Variants in NUDT21 observed in about 807,000 individuals in gnomAD.
The protein encoded by NUDT21 is nudix hydrolase 21.
In NUDT21, 5 loss-of-function variants were observed where a neutral mutation model predicts 29.8. That is an observed-to-expected ratio of 0.17 (90% CI 0.09 to 0.35). The LOEUF is 0.35. NUDT21 is among the 10% of genes least tolerant of loss of function. NUDT21 has a pLI of 1.00. For synonymous variants in NUDT21, 113 were observed against 98.5 expected, an observed-to-expected ratio of 1.15 and a Z score of -0.87; for missense variants, 76 against 276.0, an observed-to-expected ratio of 0.28 and a Z score of 5.13.
intron 4 of NUDT21, among the ~76,000 whole-genome samples, chr16:56,436,389 A>G (rs1489345918): frequency 6.6e-6 from 1 of 152,162 alleles, no homozygotes; most frequent in Non-Finnish European, 1.5e-5. Context: ...TATCTATTCA[A>G]CTCTTATCTA....
At chr16:56,447,705 C>G in intron 2 of NUDT21, 84 bp downstream of exon 2, 2 of 1,217,954 alleles carry the variant, frequency 1.6e-6, no homozygotes, top group South Asian at 1.3e-5. Context: ...AATGAATGAC[C>G]GAGGGCTAAA....
intron 1 of NUDT21, among the ~76,000 whole-genome samples, chr16:56,450,865 C>T (rs1216560300): frequency 6.6e-6 from 1 of 152,172 alleles, no homozygotes; most frequent in African/African-American, 2.4e-5. Flanking sequence ...TGACCGAATA[C>T]ATAGGATGGG....
At position 56,434,661 on chromosome 16, in the gene NUDT21, T is replaced by A. The variant is rs1962074503; in HGVS notation, c.547+93A>T. ...TTTAGTTTTACAACAAACCCAAAAG[T>A]TCAAGGAACTTTGAGAAAACACAAA... On this transcript the variant is annotated intron_variant, in intron 5 of 6. Transcript: ENST00000300291. 22 of 931,044 alleles carry A rather than the reference T, an allele frequency of 2.4e-5. No individual in the cohort carries two copies. In the South Asian group the frequency reaches 2.7e-4, roughly 12 times the overall value. The allele number at this position is 931,044 out of a possible 1,614,324, so 57.7% of individuals were successfully genotyped here. A position where few individuals can be genotyped will look rare whatever the true frequency, so the allele number is the denominator to read the frequency against.
intron 4 of NUDT21, among the ~76,000 whole-genome samples, chr16:56,435,983 C>T (rs1280236875): frequency 1.4e-5 from 2 of 145,142 alleles, no homozygotes; most frequent in Admixed American, 1.4e-4. Context: ...ATGGGCAAAG[C>T]CAAATTACTC....
intron 3 of NUDT21, among the ~76,000 whole-genome samples, chr16:56,445,714 G>C (rs1193970975): frequency 6.6e-6 from 1 of 152,138 alleles, no homozygotes; most frequent in African/African-American, 2.4e-5. Flanking sequence ...TAAGGTTTCT[G>C]CTAAGTTAGT....
At position 56,431,995 on chromosome 16, in the gene NUDT21, A is replaced by G. The variant is rs1192756094; in HGVS notation, c.*717T>C. ...CCATGGCTTTAAGAATAAGACACAT[A>G]ATTTCGCAACAGCACAAATAATTAA... On this transcript the variant is annotated 3_prime_UTR_variant, in exon 7 of 7. Coordinates refer to ENST00000300291, the MANE Select transcript of NUDT21 (RefSeq NM_007006.3). The G allele has an allele frequency of 6.6e-6, 1 of 152,168 alleles. No individual in the cohort carries two copies. Among genetic ancestry groups the G allele is most frequent in the East Asian group, 1.9e-4 (1 of 5,204 alleles). 9.4% of individuals were successfully genotyped at this position (152,168 alleles called of 1,614,324 possible).
At chr16:56,434,695 TC>T (rs1311497287) in intron 5 of NUDT21, 58 bp downstream of exon 5, 3 of 1,070,320 alleles carry the variant, frequency 2.8e-6, no homozygotes, top group Non-Finnish European at 2.9e-6. Context: ...AATAGAGGTA[TC>T]CTTGAAATTA....
intron 1 of NUDT21, 111 bp from the exon 2 acceptor site, chr16:56,448,100 G>C: frequency 1.2e-6 from 1 of 854,316 alleles, no homozygotes; most frequent in South Asian, 1.7e-5. Flanking sequence ...ATTGTACTCA[G>C]ACACAGGATT....
At position 56,429,924 on chromosome 16, in the gene NUDT21, G is replaced by A. The variant is rs1378096496; in HGVS notation, c.*2788C>T. 6.6e-6 allele frequency: 1 copy of A among 152,124 alleles called. No individual in the cohort carries two copies. Among genetic ancestry groups the A allele is most frequent in the East Asian group, 1.9e-4 (1 of 5,202 alleles). 9.4% of individuals were successfully genotyped at this position (152,124 alleles called of 1,614,324 possible). On this transcript the variant is annotated 3_prime_UTR_variant, in exon 7 of 7. Coordinates refer to ENST00000300291, the MANE Select transcript of NUDT21 (RefSeq NM_007006.3). ...TCATTAAAAAGCCGAGAACATAAGA[G>A]CACAACATTTAAGAAAGGGAATTTT...
intron 3 of NUDT21, among the ~76,000 whole-genome samples, chr16:56,442,619 G>A (rs568320243): frequency 2.2e-4 from 34 of 152,232 alleles, no homozygotes; most frequent in African/African-American, 7.7e-4. Context: ...GCCTTTGCGT[G>A]GATCTTTAAA....
intron 4 of NUDT21, among the ~76,000 whole-genome samples, chr16:56,438,475 T>G (rs1962127714): frequency 6.6e-6 from 1 of 152,214 alleles, no homozygotes; most frequent in African/African-American, 2.4e-5. Context: ...TTAACCCCAG[T>G]TCCACCTTAT....
intron 3 of NUDT21, among the ~76,000 whole-genome samples, chr16:56,444,924 C>G (rs1176114018): frequency 1.3e-5 from 2 of 152,180 alleles, no homozygotes; most frequent in Admixed American, 1.3e-4. Flanking sequence ...TGGCTCATGC[C>G]TGTAATCCCA....
intron 4 of NUDT21, 194 bp from the exon 5 acceptor site, chr16:56,435,023 A>G (rs1269070533): frequency 2.6e-6 from 1 of 390,748 alleles, no homozygotes; most frequent in African/African-American, 2.1e-5. Context: ...AAACCAGTCA[A>G]CCATTCGAGA....
intron 3 of NUDT21, among the ~76,000 whole-genome samples, chr16:56,440,587 T>C (rs1176717527): frequency 6.6e-6 from 1 of 152,170 alleles, no homozygotes; most frequent in African/African-American, 2.4e-5. Context: ...TCAATTAAAT[T>C]GAAGTTATGA....
chr16:56,446,144 A>C (rs1962215125), intron 3 of NUDT21, among the ~76,000 whole-genome samples: 1 of 152,256 alleles, frequency 6.6e-6, no homozygotes, highest in Non-Finnish European at 1.5e-5. Context: ...TTTAAAAAGT[A>C]GAATAATTTG....
At position 56,451,278 on chromosome 16, in the gene NUDT21, T is replaced by A. The variant is rs890711905; in HGVS notation, c.-76A>T. The stretch of plus-strand genomic sequence containing the variant: ...ACTTTCCCCGTGCGGGAAGCGGTTA[T>A]CTGCAATCCCCTCAGCGGCTACTGC... On this transcript the variant is annotated 5_prime_UTR_variant, in exon 1 of 7. Coordinates refer to ENST00000300291, the MANE Select transcript of NUDT21 (RefSeq NM_007006.3). 1.8e-6 allele frequency: 2 copies of A among 1,142,852 alleles called. No individual in the cohort carries two copies. The allele number at this position is 1,142,852 out of a possible 1,614,324, so 70.8% of individuals were successfully genotyped here.
chr16:56,442,157 C>CA (rs575250086), intron 3 of NUDT21, among the ~76,000 whole-genome samples: 124 of 152,352 alleles, frequency 8.1e-4, no homozygotes, highest in African/African-American at 2.9e-3. Flanking sequence ...GCTGAAATTG[C>CA]AGGCATGAGC....
chr16:56,441,515 G>A (rs1028779567), intron 3 of NUDT21, among the ~76,000 whole-genome samples: 35 of 152,202 alleles, frequency 2.3e-4, no homozygotes, highest in African/African-American at 8.0e-4. Context: ...TTACTGGCGT[G>A]AGCCACTGCG....
Position 56,434,751 on chromosome 16 carries a change from T to C in NUDT21, c.547+3A>G. 6.4e-7 allele frequency: 1 copy of C among 1,573,644 alleles called. No individual in the cohort carries two copies. The highest frequency in any genetic ancestry group is 1.1e-5 in the South Asian group (1 of 90,128). On this transcript the variant is annotated splice_donor_region_variant and intron_variant, in intron 5 of 6. Transcript: ENST00000300291. ...GGCTACCTTTGAAAACAAAATAACT[T>C]ACCTTTTTCTTGAAGCTGAACCAGA...
Sources: gnomAD v4.1 joint callset for allele counts (sites outside exome capture counted in the v4.1 genomes callset) on GRCh38, gnomAD v4.1.1 for gene constraint, MANE v1.5 for transcripts, NCBI Gene and HGNC (gene_info 2026-07-23, HGNC 2026-07-21) for gene names.